VPS13A: variants seen among roughly 807,000 people sequenced by gnomAD.
The protein encoded by VPS13A is intermembrane lipid transfer protein VPS13A.
Under a neutral mutation model 390.9 loss-of-function variants are expected in VPS13A, and 264 were observed. The observed-to-expected ratio is 0.68, with a 90% CI of 0.61 to 0.75. The LOEUF (loss-of-function observed/expected upper bound fraction) is 0.75, where lower values mean the gene tolerates loss of function less well. Ranked by LOEUF, VPS13A falls within the 30% of genes least tolerant of loss-of-function variation. The probability of loss-of-function intolerance (pLI) is 0.00; values close to 1 mark genes in which losing one functional copy is unlikely to be tolerated. For missense variants in VPS13A, 3,409 were observed against 3,733.9 expected, an observed-to-expected ratio of 0.91 and a Z score of 2.27; for synonymous variants, 1,231 against 1,227.1, an observed-to-expected ratio of 1.00 and a Z score of -0.07.
intron 68 of VPS13A, chr9:77,389,957 C>A: frequency 5.3e-6 from 2 of 379,444 alleles, no homozygotes; most frequent in Non-Finnish European, 7.2e-6. Context: ...TCAGAAATTA[C>A]AGATGTTTAT....
intron 1 of VPS13A, among the ~76,000 whole-genome samples, chr9:77,198,103 A>G (rs1825108230): frequency 1.3e-5 from 2 of 152,122 alleles, no homozygotes; most frequent in African/African-American, 4.8e-5. Context: ...TCCACCTACA[A>G]TGCTGTGTTT....
chr9:77,403,297 C>G lies in VPS13A; in HGVS notation c.9251C>G (p.Thr3084Arg), dbSNP rs763834365. 6.2e-7 allele frequency: 1 copy of G among 1,612,002 alleles called. No homozygotes were observed. Among genetic ancestry groups the G allele is most frequent in the South Asian group, 1.1e-5 (1 of 91,058 alleles). Reference sequence around the variant, plus strand: ...TTTACCCATGTCATGATCAATAAGACAGATATGCTAATGATAACCAGACGG... The same window carrying G: ...TTTACCCATGTCATGATCAATAAGAGAGATATGCTAATGATAACCAGACGG... Reference protein sequence around the residue: ...KYFTHVMINKTDMLMITRRGV... With the variant: ...KYFTHVMINKRDMLMITRRGV... Residue 3084 changes from threonine to arginine, a missense_variant, in exon 69 of 72, where the codon ACA becomes AGA. Thr to Arg is a moderately conservative substitution (Grantham distance 71, BLOSUM62 -1). This residue lies in a region of VPS13A where 318 missense variants were observed against 333.7 expected (regional missense o/e 0.95). Coordinates refer to ENST00000360280, the MANE Select transcript of VPS13A (RefSeq NM_033305.3).
intron 68 of VPS13A, among the ~76,000 whole-genome samples, chr9:77,388,499 T>A (rs1454180797): frequency 1.3e-5 from 2 of 152,154 alleles, no homozygotes; most frequent in Admixed American, 1.3e-4. Context: ...TCAACCGATA[T>A]ATAGCAACAG....
At chr9:77,377,217 T>TG (rs1316595690) in intron 67 of VPS13A, among the ~76,000 whole-genome samples, 4 of 96,612 alleles carry the variant, frequency 4.1e-5, no homozygotes, top group Non-Finnish European at 9.6e-5. Context: ...TTTTTTTTTT[T>TG]TTTTTTTTTT....
At chr9:77,272,862 A>G (rs1181769423) in intron 23 of VPS13A, among the ~76,000 whole-genome samples, 1 of 152,116 alleles carries the variant, frequency 6.6e-6, no homozygotes, top group Non-Finnish European at 1.5e-5. Flanking sequence ...TATATGCTGT[A>G]TTTCTCCAAA....
chr9:77,323,988 A>G (rs773758596), intron 45 of VPS13A, among the ~76,000 whole-genome samples: 5 of 151,836 alleles, frequency 3.3e-5, no homozygotes, highest in Non-Finnish European at 5.9e-5. Context: ...TTTTTTCACC[A>G]TATGGATTTT....
At chr9:77,186,425 C>T (rs1436162052) in intron 1 of VPS13A, among the ~76,000 whole-genome samples, 1 of 151,892 alleles carries the variant, frequency 6.6e-6, no homozygotes, top group African/African-American at 2.4e-5. Flanking sequence ...TTCTGAAGAA[C>T]TCCTTTATTT....
At chr9:77,316,690 G>A (rs1829410247) in intron 39 of VPS13A, among the ~76,000 whole-genome samples, 1 of 152,050 alleles carries the variant, frequency 6.6e-6, no homozygotes, top group Admixed American at 6.6e-5. Context: ...TTCTAACCAT[G>A]TCAATTCCAA....
chr9:77,396,674 C>A (rs1370761981), intron 68 of VPS13A, among the ~76,000 whole-genome samples: 2 of 151,960 alleles, frequency 1.3e-5, no homozygotes, highest in Non-Finnish European at 1.5e-5. Context: ...TTTCTTTATC[C>A]CTAAAAATTC....
In VPS13A at chr9:77,340,404, G is replaced by A. The variant is rs199538065; in HGVS notation, c.6880G>A (p.Val2294Ile). ...KCKGLKMDYQVGVTIDLSSFN... is the reference protein window; with the variant it reads ...KCKGLKMDYQIGVTIDLSSFN... ...TGAGCTGTTAATTTTTTTTTCTTAG[G>A]TTGGTGTCACTATAGACCTGAGCAG... Residue 2294 changes from valine to isoleucine, a missense_variant and splice_region_variant, in exon 50 of 72, where the codon GTT becomes ATT. Physicochemically the swap from Val to Ile is conservative, Grantham distance 29 (BLOSUM62 3). This residue lies in a region of VPS13A where 2,717 missense variants were observed against 2,917.4 expected (regional missense o/e 0.93). Transcript: ENST00000360280. 6.2e-7 allele frequency: 1 copy of A among 1,612,446 alleles called. No homozygotes were observed. Among genetic ancestry groups the A allele is most frequent in the Non-Finnish European group, 8.5e-7 (1 of 1,179,290 alleles).
intron 53 of VPS13A, 103 bp from the exon 54 acceptor site, chr9:77,353,306 C>CTATAAA: frequency 1.2e-6 from 1 of 830,202 alleles, no homozygotes. Flanking sequence ...AAGTAGGTGC[C>CTATAAA]ATTAATAGTC....
chr9:77,227,639 C>G (rs1823590685), intron 16 of VPS13A, among the ~76,000 whole-genome samples, 154 bp downstream of exon 16: 2 of 151,978 alleles, frequency 1.3e-5, no homozygotes, highest in African/African-American at 2.4e-5. Flanking sequence ...ACCTCAGCCT[C>G]TCGAATAGCT....
chr9:77,206,137 T>G, intron 5 of VPS13A, 58 bp downstream of exon 5: 1 of 1,105,988 alleles, frequency 9.0e-7, no homozygotes, highest in Non-Finnish European at 1.3e-6. Flanking sequence ...CCTAAATATT[T>G]ATCATAATTG....
At chr9:77,244,690 T>C (rs999675312) in intron 19 of VPS13A, among the ~76,000 whole-genome samples, 2 of 151,410 alleles carry the variant, frequency 1.3e-5, no homozygotes, top group Admixed American at 6.6e-5. Flanking sequence ...TCAGTGCTAG[T>C]TGGCAAAGGA....
intron 68 of VPS13A, among the ~76,000 whole-genome samples, chr9:77,393,305 T>C (rs186283841): frequency 6.7e-4 from 102 of 152,348 alleles, no homozygotes; most frequent in Non-Finnish European, 1.1e-3. Context: ...ATATCTGCAA[T>C]TACTTCCTCC....
intron 27 of VPS13A, 128 bp from the exon 28 acceptor site, chr9:77,281,739 G>GTATATA (rs111517856): frequency 1.0e-4 from 50 of 492,588 alleles, no homozygotes; most frequent in South Asian, 2.9e-4. Context: ...GTGTATATGT[G>GTATATA]TATATATATA....
intron 33 of VPS13A, among the ~76,000 whole-genome samples, chr9:77,298,108 A>G (rs1031602042): frequency 2.6e-5 from 4 of 152,214 alleles, no homozygotes; most frequent in African/African-American, 9.6e-5. Context: ...AGAACAATGC[A>G]GAAAAACCCA....
rs781622106 is a variant in VPS13A, at chr9:77,227,446, C to A, written c.1413C>A (p.Gly471=). The A allele has an allele frequency of 5.0e-6, 8 of 1,613,484 alleles. No homozygotes were observed. Among genetic ancestry groups the A allele is most frequent in the Non-Finnish European group, 6.8e-6 (8 of 1,179,792 alleles). Residue 471 remains glycine (G), a synonymous_variant, in exon 16 of 72, where the codon GGC becomes GGA. Transcript: ENST00000360280. ...AAGCTTTACTCTATGAAGCAATTGGCTATAGTGAAACAGCAGTTGATCCAA... is the reference window on the plus strand; with the variant it reads ...AAGCTTTACTCTATGAAGCAATTGGATATAGTGAAACAGCAGTTGATCCAA... The part of the protein sequence containing the change: ...EEKALLYEAI[G]YSETAVDPTL...
chr9:77,292,702 G>C (rs1336298189), intron 31 of VPS13A, among the ~76,000 whole-genome samples: 1 of 152,130 alleles, frequency 6.6e-6, no homozygotes, highest in African/African-American at 2.4e-5. Flanking sequence ...AATTGAGAAA[G>C]TTATGAGCTT....
Sources: gnomAD v4.1 joint callset for allele counts (sites outside exome capture counted in the v4.1 genomes callset) on GRCh38, gnomAD v4.1.1 for gene constraint, gnomAD v4.1.1 regional missense constraint, MANE v1.5 for transcripts, NCBI Gene and HGNC (gene_info 2026-07-23, HGNC 2026-07-21) for gene names.